ELF2: variants seen among roughly 807,000 people sequenced by gnomAD.
ELF2 encodes the protein ETS-related transcription factor Elf-2.
Under a neutral mutation model 54.8 loss-of-function variants are expected in ELF2, and 11 were observed. The ratio of observed to expected loss-of-function variants is 0.20; its 90% CI spans 0.13 to 0.33. The LOEUF (loss-of-function observed/expected upper bound fraction) is 0.33, where lower values mean the gene tolerates loss of function less well. Among genes scored for constraint, ELF2 ranks in the 10% least tolerant of loss-of-function variants. ELF2 has a pLI of 1.00. For missense variants in ELF2, 513 were observed against 703.0 expected (o/e 0.73, Z 3.06); for synonymous variants, 203 against 245.1 (o/e 0.83, Z 1.61).
rs1301387000 is a variant in ELF2, at chr4:139,151,032, A to AAAAAAAGAAAGAAAG, written c.-251-11536_-251-11535insCTTTCTTTCTTTTTT. 1.4e-4 allele frequency among the ~76,000 whole-genome samples: 14 copies of AAAAAAAGAAAGAAAG among 102,532 alleles called. 1 individual carries two copies. Among genetic ancestry groups the AAAAAAAGAAAGAAAG allele is most frequent in the African/African-American group, 6.1e-4 (12 of 19,728 alleles). The allele number at this position is 102,532 out of a possible 152,430, so 67.3% of individuals were successfully genotyped here. ...GAACGAGGCTCCATCTCAAAAAAAA[A>AAAAAAAGAAAGAAAG]AAAGAAAGAAAGAAAGAAAGAAAGA... On this transcript the variant is annotated intron_variant, in intron 1 of 9. Transcript: ENST00000686138.
At chr4:139,090,012 C>G (rs1318678996) in intron 4 of ELF2, among the ~76,000 whole-genome samples, 1 of 152,206 alleles carries the variant, frequency 6.6e-6, no homozygotes, top group African/African-American at 2.4e-5. Flanking sequence ...TCACTGCAGC[C>G]TTGAACTTCT....
At chr4:139,073,943 A>G (rs969559445) in intron 4 of ELF2, among the ~76,000 whole-genome samples, 26 of 152,292 alleles carry the variant, frequency 1.7e-4, no homozygotes, top group African/African-American at 5.3e-4. Flanking sequence ...CCTGACCAAC[A>G]TGGTGAAACC....
intron 1 of ELF2, among the ~76,000 whole-genome samples, chr4:139,155,924 G>C (rs1395438410): frequency 6.6e-6 from 1 of 152,166 alleles, no homozygotes; most frequent in Non-Finnish European, 1.5e-5. Flanking sequence ...AATGATGCTA[G>C]AAATTAACAG....
chr4:139,092,137 G>A (rs779477304), intron 4 of ELF2, among the ~76,000 whole-genome samples: 1 of 151,586 alleles, frequency 6.6e-6, no homozygotes, highest in Admixed American at 6.6e-5. Context: ...CGAGGCGGTT[G>A]GATCACCCGA....
chr4:139,085,044 T>A (rs1468325438), intron 4 of ELF2, among the ~76,000 whole-genome samples: 4 of 152,224 alleles, frequency 2.6e-5, no homozygotes, highest in Non-Finnish European at 1.5e-5. Flanking sequence ...TCATGTACCC[T>A]TTCATTTCTG....
At chr4:139,069,851 T>C (rs1192794494) in intron 6 of ELF2, among the ~76,000 whole-genome samples, 1 of 152,000 alleles carries the variant, frequency 6.6e-6, no homozygotes, top group Non-Finnish European at 1.5e-5. Context: ...TACATGTATT[T>C]TTTTTTTTTC....
intron 3 of ELF2, among the ~76,000 whole-genome samples, chr4:139,136,585 C>A (rs1242063460): frequency 6.6e-6 from 1 of 151,964 alleles, no homozygotes; most frequent in Non-Finnish European, 1.5e-5. Flanking sequence ...TCTCCATTTT[C>A]CCACCTCAGC....
At chr4:139,095,740 T>G (rs1733197912) in intron 4 of ELF2, among the ~76,000 whole-genome samples, 1 of 152,148 alleles carries the variant, frequency 6.6e-6, no homozygotes, top group Non-Finnish European at 1.5e-5. Flanking sequence ...TATTCTTTAT[T>G]TAGAATATTT....
At chr4:139,160,915 A>G (rs1219589569) in intron 1 of ELF2, among the ~76,000 whole-genome samples, 1 of 152,158 alleles carries the variant, frequency 6.6e-6, no homozygotes, top group Non-Finnish European at 1.5e-5. Context: ...GTGAGCTGAG[A>G]CAGTGCCACT....
chr4:139,151,032 AAAAGAAAGAAAGAAAGAAAGAAAGAAAG>A (rs71600182), intron 1 of ELF2, among the ~76,000 whole-genome samples: 2,434 of 102,530 alleles, frequency 0.024, 109 homozygotes, highest in African/African-American at 0.055. Context: ...TCAAAAAAAA[AAAAGAAAGAAAGAAAGAAAGAAAGAAAG>A]AAAGAAAGAA....
intron 7 of ELF2, among the ~76,000 whole-genome samples, chr4:139,064,651 G>A (rs573728157): frequency 2.6e-5 from 4 of 152,216 alleles, no homozygotes; most frequent in East Asian, 3.9e-4. Context: ...AGGCCGTGGC[G>A]GGCGGATCAC....
At chr4:139,107,469 T>C (rs1362633379) in intron 4 of ELF2, among the ~76,000 whole-genome samples, 1 of 152,292 alleles carries the variant, frequency 6.6e-6, no homozygotes, top group East Asian at 1.9e-4. Context: ...TATATATATG[T>C]ATCAAAATAT....
chr4:139,177,743 C>G (rs1481123170), upstream of ELF2, among the ~76,000 whole-genome samples: 2 of 151,110 alleles, frequency 1.3e-5, no homozygotes, highest in African/African-American at 4.9e-5. Flanking sequence ...CCTCGCCACT[C>G]AGGGCCCCCG....
In ELF2 at chr4:139,059,513, G is replaced by C. The variant is rs746255760; in HGVS notation, c.1252C>G (p.Pro418Ala). ...VAVQSVNAGA[P>A]LITSTSPTTA... ...GTTGGACTAGTGCTGGTTATTAATG[G>C]TGCACCTGCATTAACTGACTGAACT... Residue 418 changes from proline to alanine, a missense_variant, in exon 10 of 10, where the codon CCA becomes GCA. Physicochemically the swap from Pro to Ala is conservative, Grantham distance 27. Around this residue, in one of 3 missense-constraint regions of ELF2, gnomAD observed 291 missense variants for 366.1 expected, o/e 0.79. Coordinates refer to ENST00000686138, the MANE Select transcript of ELF2 (RefSeq NM_001331036.3). 55 of 1,613,724 alleles carry C rather than the reference G, an allele frequency of 3.4e-5. No individual in the cohort carries two copies. The highest frequency in any genetic ancestry group is 4.5e-5 in the Non-Finnish European group (53 of 1,179,852).
chr4:139,172,508 A>G (rs1742412107), intron 1 of ELF2, among the ~76,000 whole-genome samples: 1 of 152,192 alleles, frequency 6.6e-6, no homozygotes, highest in African/African-American at 2.4e-5. Flanking sequence ...ATCAACTAGT[A>G]TCTTAGTGCT....
chr4:139,150,976 A>G (rs1739820850), intron 1 of ELF2, among the ~76,000 whole-genome samples: 1 of 150,140 alleles, frequency 6.7e-6, no homozygotes, highest in African/African-American at 2.5e-5. Context: ...GTGAGCCGAG[A>G]TCGCACCACT....
At chr4:139,072,421 G>A (rs146027070) in intron 5 of ELF2, among the ~76,000 whole-genome samples, 4 of 152,120 alleles carry the variant, frequency 2.6e-5, no homozygotes, top group East Asian at 1.9e-4. Context: ...CCACATATCC[G>A]TCATTATTTT....
At chr4:139,162,357 C>A (rs544615425) in intron 1 of ELF2, among the ~76,000 whole-genome samples, 1 of 152,042 alleles carries the variant, frequency 6.6e-6, no homozygotes, top group Non-Finnish European at 1.5e-5. Flanking sequence ...CACGGTGAAA[C>A]CCCGTCTCTA....
At chr4:139,158,057 TGAGTCCGAAGAAA>T (rs1319445565) in intron 1 of ELF2, among the ~76,000 whole-genome samples, 3 of 152,146 alleles carry the variant, frequency 2.0e-5, no homozygotes, top group African/African-American at 7.2e-5. Flanking sequence ...GCAGGCGGGC[TGAGTCCGAAGAAA>T]GAGTCAGAGA....
Sources: allele counts gnomAD v4.1 joint callset (sites outside exome capture counted in the v4.1 genomes callset), GRCh38; gene constraint gnomAD v4.1.1; regional missense constraint gnomAD v4.1.1; transcripts MANE v1.5; gene names NCBI Gene and HGNC (gene_info 2026-07-23, HGNC 2026-07-21).